The following MAGI1 variants were observed in gnomAD, a reference collection of about 807,000 sequenced individuals.
MAGI1 encodes the protein membrane-associated guanylate kinase, WW and PDZ domain-containing protein 1.
Under a neutral mutation model 139.9 loss-of-function variants are expected in MAGI1, and 58 were observed. The observed-to-expected ratio is 0.41, with a 90% CI of 0.34 to 0.52. The LOEUF (loss-of-function observed/expected upper bound fraction) is 0.52. MAGI1 is among the 20% of genes least tolerant of loss of function. MAGI1 has a pLI of 0.12. For missense variants in MAGI1, 1,874 were observed against 1,901.6 expected, an observed-to-expected ratio of 0.99 and a Z score of 0.27; for synonymous variants, 812 against 737.9, an observed-to-expected ratio of 1.10 and a Z score of -1.63.
At chr3:65,551,088 G>A (rs745876056) in intron 2 of MAGI1, among the ~76,000 whole-genome samples, 46 of 152,188 alleles carry the variant, frequency 3.0e-4, no homozygotes, top group Admixed American at 5.9e-4. Context: ...AGGGAGACAG[G>A]TAACTGGATC....
chr3:65,478,610 T>C lies in MAGI1; in HGVS notation c.739A>G (p.Met247Val). ...ENEEEDDVPE[M>V]NSSFTADSGE... ...CCTTTACCTGTAAAGCTGCTGTTCA[T>C]TTCAGGAACGTCATCCTCCTCCTCA... Residue 247 changes from methionine (M) to valine (V), a missense_variant, in exon 4 of 23, where the codon ATG (methionine) becomes GTG (valine). Met to Val is a conservative substitution (Grantham distance 21, BLOSUM62 1). This residue lies in a region of MAGI1 where 648 missense variants were observed against 598.1 expected (regional missense o/e 1.08). Transcript: ENST00000402939. 1.2e-6 allele frequency: 2 copies of C among 1,614,060 alleles called. No homozygotes were observed. The highest frequency in any genetic ancestry group is 1.7e-6 in the Non-Finnish European group (2 of 1,179,962).
At chr3:65,682,207 G>A (rs2087639890) in intron 1 of MAGI1, among the ~76,000 whole-genome samples, 1 of 152,180 alleles carries the variant, frequency 6.6e-6, no homozygotes. Flanking sequence ...GGGTGGGCAT[G>A]CAAAGCCAGA....
intron 2 of MAGI1, among the ~76,000 whole-genome samples, chr3:65,514,964 G>C (rs1312308781): frequency 6.7e-6 from 1 of 149,986 alleles, no homozygotes; most frequent in Non-Finnish European, 1.5e-5. Context: ...ATACACCATG[G>C]AGTACTATGC....
At chr3:65,664,662 C>T (rs961210495) in intron 1 of MAGI1, among the ~76,000 whole-genome samples, 1 of 152,200 alleles carries the variant, frequency 6.6e-6, no homozygotes, top group Non-Finnish European at 1.5e-5. Context: ...AAAATCAATA[C>T]TCACAGCACT....
chr3:65,596,970 T>C (rs1240972080), intron 2 of MAGI1, among the ~76,000 whole-genome samples: 1 of 152,138 alleles, frequency 6.6e-6, no homozygotes, highest in Non-Finnish European at 1.5e-5. Context: ...CAGAGGAGAA[T>C]CGCAGCCCTT....
At chr3:65,508,151 C>A (rs1576086814) in intron 2 of MAGI1, among the ~76,000 whole-genome samples, 1 of 152,272 alleles carries the variant, frequency 6.6e-6, no homozygotes, top group Middle Eastern at 3.4e-3. Flanking sequence ...CGCCTGTAAT[C>A]CCAGCACTTT....
chr3:65,585,560 T>C (rs1167998462), intron 2 of MAGI1, among the ~76,000 whole-genome samples: 1 of 152,204 alleles, frequency 6.6e-6, no homozygotes, highest in East Asian at 1.9e-4. Context: ...CTCTTAGATG[T>C]TGCTGATGAA....
At chr3:65,673,720 C>G (rs1250138811) in intron 1 of MAGI1, among the ~76,000 whole-genome samples, 1 of 152,218 alleles carries the variant, frequency 6.6e-6, no homozygotes, top group Non-Finnish European at 1.5e-5. Context: ...TCACTCATCT[C>G]ACTACTGGTG....
chr3:65,457,000 T>A (rs947653833), intron 5 of MAGI1, among the ~76,000 whole-genome samples: 3 of 152,200 alleles, frequency 2.0e-5, no homozygotes, highest in African/African-American at 7.2e-5. Context: ...GACTTCATTC[T>A]TCCTTTTTGT....
intron 1 of MAGI1, among the ~76,000 whole-genome samples, chr3:65,641,138 G>A (rs1027498570): frequency 1.3e-5 from 2 of 151,802 alleles, no homozygotes; most frequent in Admixed American, 6.6e-5. Context: ...TGGTGACTGA[G>A]AGCTATAGTA....
chr3:65,903,443 A>T (rs2061318665), intron 1 of MAGI1, among the ~76,000 whole-genome samples: 1 of 152,152 alleles, frequency 6.6e-6, no homozygotes, highest in South Asian at 2.1e-4. Flanking sequence ...CCAGGATAAC[A>T]GCAATGCCTA....
chr3:65,415,958 T>C (rs925343253), intron 12 of MAGI1, among the ~76,000 whole-genome samples: 7 of 152,150 alleles, frequency 4.6e-5, no homozygotes, highest in African/African-American at 1.7e-4. Flanking sequence ...CATTAATTCA[T>C]GGGCAGTGCT....
At chr3:66,037,304 T>C (rs1359917900) in intron 1 of MAGI1, among the ~76,000 whole-genome samples, 2 of 152,148 alleles carry the variant, frequency 1.3e-5, no homozygotes, top group Non-Finnish European at 2.9e-5. Flanking sequence ...ATTTTCATCA[T>C]CAATAATGAC....
At chr3:65,828,652 C>T (rs147797315) in intron 1 of MAGI1, among the ~76,000 whole-genome samples, 3 of 152,278 alleles carry the variant, frequency 2.0e-5, no homozygotes, top group East Asian at 3.9e-4. Flanking sequence ...ATGATGTCCA[C>T]GTTCTCATCT....
chr3:66,022,433 C>T (rs2068016056), intron 1 of MAGI1, among the ~76,000 whole-genome samples: 1 of 152,132 alleles, frequency 6.6e-6, no homozygotes, highest in African/African-American at 2.4e-5. Flanking sequence ...TGAGATAACA[C>T]TTTGTGTCTT....
chr3:65,599,903 T>C (rs1213381127), intron 2 of MAGI1, among the ~76,000 whole-genome samples: 1 of 152,206 alleles, frequency 6.6e-6, no homozygotes, highest in African/African-American at 2.4e-5. Flanking sequence ...CACATCTACT[T>C]GCAGGAAGGT....
chr3:65,470,506 T>C, intron 4 of MAGI1, 22 bp from the exon 5 acceptor site: 1 of 1,351,676 alleles, frequency 7.4e-7, no homozygotes, highest in Non-Finnish European at 1.0e-6. Flanking sequence ...TGTGAAGAGG[T>C]GAGAGAGAGA....
At chr3:65,498,727 T>C (rs1028541064) in intron 2 of MAGI1, among the ~76,000 whole-genome samples, 2 of 152,354 alleles carry the variant, frequency 1.3e-5, no homozygotes, top group African/African-American at 4.8e-5. Context: ...CACTGTCTGA[T>C]GGAACCTGTC....
rs62941061 is a variant in MAGI1, at chr3:66,031,783, C to CAA, written c.313+6211_313+6212dup. Among the ~76,000 whole-genome samples the CAA allele has an allele frequency of 6.7e-4, 99 of 148,674 alleles. 1 individual carries two copies. Among genetic ancestry groups the CAA allele is most frequent in the African/African-American group, 2.2e-3 (87 of 40,430 alleles). ...AGCAAAGATCTGATTTGCTATTAGC[C>CAA]AAAAAAAAAAGTACACAGGGACAAT... On this transcript the variant is annotated intron_variant, in intron 1 of 22. Coordinates refer to ENST00000402939, the MANE Select transcript of MAGI1 (RefSeq NM_001033057.2).
Sources: allele counts gnomAD v4.1 joint callset (sites outside exome capture counted in the v4.1 genomes callset), GRCh38; gene constraint gnomAD v4.1.1; regional missense constraint gnomAD v4.1.1; transcripts MANE v1.5; gene names NCBI Gene and HGNC (gene_info 2026-07-23, HGNC 2026-07-21).